LCE1E: variants seen among roughly 807,000 people sequenced by gnomAD.
LCE1E encodes late cornified envelope 1E, also known as late cornified envelope protein 1E.
For missense variants in LCE1E, 144 were observed against 144.3 expected (o/e 1.00, Z 0.01); for synonymous variants, 61 against 55.0 (o/e 1.11, Z -0.48).
Position 152,787,978 on chromosome 1 carries a change from T to G in LCE1E, c.*322T>G. The G allele has an allele frequency of 3.5e-6, 1 of 289,292 alleles. No individual in the cohort carries two copies. The highest frequency in any genetic ancestry group is 8.7e-5 in the South Asian group (1 of 11,454). The allele number at this position is 289,292 out of a possible 1,614,324, so 17.9% of individuals were successfully genotyped here. ...TTGTGTCATCCTTGTTCTGCTCCCCTGTGTCTGCTGGTGGCTGCTGAGGCC... is the reference window on the plus strand; with the variant it reads ...TTGTGTCATCCTTGTTCTGCTCCCCGGTGTCTGCTGGTGGCTGCTGAGGCC... On this transcript the variant is annotated 3_prime_UTR_variant, in exon 2 of 2. Coordinates refer to ENST00000368770, the MANE Select transcript of LCE1E (RefSeq NM_178353.2).
At position 152,787,372 on chromosome 1, in the gene LCE1E, C is replaced by T; in HGVS notation, c.73C>T (p.Pro25Ser). The T allele has an allele frequency of 6.2e-7, 1 of 1,614,046 alleles. No individual in the cohort carries two copies. The highest frequency in any genetic ancestry group is 8.5e-7 in the Non-Finnish European group (1 of 1,179,980). Residue 25 changes from proline to serine, a missense_variant, in exon 2 of 2, where the codon CCC (proline) becomes TCC (serine). Pro to Ser is a moderately conservative substitution (Grantham distance 74). Coordinates refer to ENST00000368770, the MANE Select transcript of LCE1E (RefSeq NM_178353.2). ...CACTCCCAAGTGCCCTCCCAAGTGT[C>T]CCACCCCCAAATGCCCTCCAAAGTG... ...KCTPKCPPKC[P>S]TPKCPPKCPP... is the part of the protein sequence containing the mutation.
chr1:152,786,397 G>T (rs1651852075), intron 1 of LCE1E, 90 bp downstream of exon 1: 1 of 152,670 alleles, frequency 6.6e-6, no homozygotes, highest in Admixed American at 6.5e-5. Flanking sequence ...CTTCCATGGG[G>T]GAGGAGACTG....
rs146596514 is a variant in LCE1E, at chr1:152,787,481, G to A, written c.182G>A (p.Gly61Asp). 3.1e-6 allele frequency: 5 copies of A among 1,613,828 alleles called. No individual in the cohort carries two copies. Among genetic ancestry groups the A allele is most frequent in the Non-Finnish European group, 4.2e-6 (5 of 1,179,854 alleles). The change falls in exon 2 of 2, where the codon GGC becomes GAC. Residue 61 changes from glycine (G) to aspartate (D), a missense_variant. Coordinates refer to ENST00000368770, the MANE Select transcript of LCE1E (RefSeq NM_178353.2). ...CCGSSSGGSC[G>D]SSSGGCCSSG... is the part of the protein sequence containing the mutation. Reference sequence around the variant, plus strand: ...GGCTCCAGCTCTGGGGGCAGCTGTGGCTCCAGCTCTGGGGGCTGCTGCAGC... The same window carrying A: ...GGCTCCAGCTCTGGGGGCAGCTGTGACTCCAGCTCTGGGGGCTGCTGCAGC...
At chr1:152,787,177 A>G (rs1200579188) in intron 1 of LCE1E, 101 bp from the exon 2 acceptor site, 1 of 1,103,532 alleles carries the variant, frequency 9.1e-7, no homozygotes, top group African/African-American at 1.6e-5. Context: ...AAGTGAAACT[A>G]CTGGACATGA....
chr1:152,787,536 C>T lies in LCE1E; in HGVS notation c.237C>T (p.His79=), dbSNP rs1651885122. Residue 79 remains histidine (H), a synonymous_variant, in exon 2 of 2, where the codon CAC becomes CAT. Transcript: ENST00000368770. ...SSGGGGCCLS[H]HRHHRSHRHR... The stretch of plus-strand genomic sequence containing the variant: ...GGGGAGGTGGCTGCTGCCTGAGCCA[C>T]CACAGGCACCACAGGTCCCACCGTC... 1 of 1,611,630 alleles carries T rather than the reference C, an allele frequency of 6.2e-7. No individual in the cohort carries two copies. Among genetic ancestry groups the T allele is most frequent in the Non-Finnish European group, 8.5e-7 (1 of 1,179,046 alleles).
At chr1:152,786,955 A>T (rs1465637395) in intron 1 of LCE1E, among the ~76,000 whole-genome samples, 1 of 152,228 alleles carries the variant, frequency 6.6e-6, no homozygotes, top group Non-Finnish European at 1.5e-5. Context: ...CTCTTTAAGA[A>T]ATAATTTTCC....
Position 152,787,629 on chromosome 1 carries a change from C to A in LCE1E, c.330C>A (p.Ser110Arg). ...SGGSSCCGGGSGQHSGGCC is the reference protein window; with the variant it reads ...SGGSSCCGGGRGQHSGGCC ...GCTCCAGCTGCTGTGGAGGGGGCAG[C>A]GGCCAGCACTCTGGAGGCTGCTGCT... is the stretch of plus-strand genomic sequence containing the variant. Residue 110 changes from serine to arginine, a missense_variant, in exon 2 of 2, where the codon AGC becomes AGA. Coordinates refer to ENST00000368770, the MANE Select transcript of LCE1E (RefSeq NM_178353.2). 2 of 1,591,518 alleles carry A rather than the reference C, an allele frequency of 1.3e-6. No individual in the cohort carries two copies. The highest frequency in any genetic ancestry group is 1.7e-6 in the Non-Finnish European group (2 of 1,169,230).
At chr1:152,786,981 A>G (rs1045710418) in intron 1 of LCE1E, among the ~76,000 whole-genome samples, 10 of 152,208 alleles carry the variant, frequency 6.6e-5, no homozygotes, top group Non-Finnish European at 1.2e-4. Flanking sequence ...TGACCTATAA[A>G]TCATATAATT....
At chr1:152,787,101 C>G (rs1651868508) in intron 1 of LCE1E, among the ~76,000 whole-genome samples, 177 bp from the exon 2 acceptor site, 1 of 152,114 alleles carries the variant, frequency 6.6e-6, no homozygotes, top group Non-Finnish European at 1.5e-5. Context: ...TTTTGTGTAG[C>G]AGATAACACA....
rs1272184821 is a variant in LCE1E, at chr1:152,787,575, C to T, written c.276C>T (p.Ser92=). The T allele has an allele frequency of 1.4e-5, 23 of 1,612,944 alleles. No individual in the cohort carries two copies. Among genetic ancestry groups the T allele is most frequent in the Non-Finnish European group, 1.8e-5 (21 of 1,179,858 alleles). Residue 92 remains serine (S), a synonymous_variant, in exon 2 of 2, where the codon AGC becomes AGT. Transcript: ENST00000368770. The part of the protein sequence containing the change: ...HHRSHRHRPQ[S]SDCCSQPSGG... ...GGTCCCACCGTCACAGACCCCAGAG[C>T]TCTGACTGCTGCAGCCAGCCCTCAG...
Position 152,787,603 on chromosome 1 carries a change from G to A in LCE1E, c.304G>A (p.Gly102Ser). Reference protein sequence around the residue: ...SSDCCSQPSGGSSCCGGGSGQ... With the variant: ...SSDCCSQPSGSSSCCGGGSGQ... ...TGACTGCTGCAGCCAGCCCTCAGGG[G>A]GCTCCAGCTGCTGTGGAGGGGGCAG... Residue 102 changes from glycine (G) to serine (S), a missense_variant, in exon 2 of 2, where the codon GGC (glycine) becomes AGC (serine). Coordinates refer to ENST00000368770, the MANE Select transcript of LCE1E (RefSeq NM_178353.2). 3.1e-6 allele frequency: 5 copies of A among 1,606,642 alleles called. No individual in the cohort carries two copies. Among genetic ancestry groups the A allele is most frequent in the Non-Finnish European group, 2.5e-6 (3 of 1,176,720 alleles).
chr1:152,787,398 T>G lies in LCE1E; in HGVS notation c.99T>G (p.Cys33Trp), dbSNP rs1570853089. The change falls in exon 2 of 2, where the codon TGT (cysteine) becomes TGG (tryptophan). Residue 33 changes from cysteine to tryptophan, a missense_variant. Transcript: ENST00000368770. The stretch of plus-strand genomic sequence containing the variant: ...CCACCCCCAAATGCCCTCCAAAGTG[T>G]CCCCCTAAGTGCCCTCCAGTCTCTT... ...KCPTPKCPPK[C>W]PPKCPPVSSC... 6.2e-7 allele frequency: 1 copy of G among 1,613,694 alleles called. No homozygotes were observed.
chr1:152,787,308 C>G lies in LCE1E; in HGVS notation c.9C>G (p.Cys3Trp). 3 of 1,614,106 alleles carry G rather than the reference C, an allele frequency of 1.9e-6. No individual in the cohort carries two copies. The highest frequency in any genetic ancestry group is 2.5e-6 in the Non-Finnish European group (3 of 1,179,980). Residue 3 changes from cysteine (C) to tryptophan (W), a missense_variant, in exon 2 of 2, where the codon TGC becomes TGG. Cys to Trp is a radical substitution (Grantham distance 215, BLOSUM62 -2). Coordinates refer to ENST00000368770, the MANE Select transcript of LCE1E (RefSeq NM_178353.2). MS[C>W]QQSQQQCQPP... ...AAGTACCTACTGCCGAGATGTCCTG[C>G]CAGCAGAGCCAGCAGCAGTGCCAGC...
At position 152,787,748 on chromosome 1, in the gene LCE1E, G is replaced by T; in HGVS notation, c.*92G>T. ...GAAGTCTTGCCTGGAGAATCCCTCT[G>T]CTCTGGTGTCAGGAAACCCAAAATC... On this transcript the variant is annotated 3_prime_UTR_variant, in exon 2 of 2. Transcript: ENST00000368770. 6.9e-7 allele frequency: 1 copy of T among 1,442,494 alleles called. No homozygotes were observed. The highest frequency in any genetic ancestry group is 1.4e-5 in the South Asian group (1 of 72,068). The allele number at this position is 1,442,494 out of a possible 1,614,324, so 89.4% of individuals were successfully genotyped here.
At chr1:152,786,516 A>T (rs186411349) in intron 1 of LCE1E, among the ~76,000 whole-genome samples, 1 of 152,326 alleles carries the variant, frequency 6.6e-6, no homozygotes, top group East Asian at 1.9e-4. Flanking sequence ...TAAAGCACAG[A>T]GACCTGGGGC....
Position 152,787,280 on chromosome 1 carries a change from C to G in LCE1E, c.-20C>G. The G allele has an allele frequency of 6.2e-7, 1 of 1,613,588 alleles. No homozygotes were observed. Among genetic ancestry groups the G allele is most frequent in the Admixed American group, 1.7e-5 (1 of 60,026 alleles). On this transcript the variant is annotated splice_region_variant and 5_prime_UTR_variant, in exon 2 of 2. Transcript: ENST00000368770. ...TTTTCTGTCTGACTCTCCCTCAGCT[C>G]CTAAGTACCTACTGCCGAGATGTCC... is the stretch of plus-strand genomic sequence containing the variant.
At position 152,787,395 on chromosome 1, in the gene LCE1E, G is replaced by T; in HGVS notation, c.96G>T (p.Lys32Asn). 2 of 1,613,816 alleles carry T rather than the reference G, an allele frequency of 1.2e-6. No homozygotes were observed. Among genetic ancestry groups the T allele is most frequent in the Non-Finnish European group, 1.7e-6 (2 of 1,179,960 alleles). Residue 32 changes from lysine to asparagine, a missense_variant, in exon 2 of 2, where the codon AAG (lysine) becomes AAT (asparagine). Transcript: ENST00000368770. ...PKCPTPKCPPKCPPKCPPVSS... is the reference protein window; with the variant it reads ...PKCPTPKCPPNCPPKCPPVSS... ...GTCCCACCCCCAAATGCCCTCCAAA[G>T]TGTCCCCCTAAGTGCCCTCCAGTCT...
Position 152,787,704 on chromosome 1 carries a change from G to A in LCE1E, c.*48G>A. ...CTTCTGATTCTGCCTGAATAGCTGA[G>A]AGGTTCCAGCAAAAGCTTGAAGTCT... On this transcript the variant is annotated 3_prime_UTR_variant, in exon 2 of 2. Transcript: ENST00000368770. 6.6e-7 allele frequency: 1 copy of A among 1,513,616 alleles called. No homozygotes were observed. Among genetic ancestry groups the A allele is most frequent in the Non-Finnish European group, 8.8e-7 (1 of 1,131,736 alleles). 93.8% of individuals were successfully genotyped at this position (1,513,616 alleles called of 1,614,324 possible).
Position 152,787,624 on chromosome 1 carries a change from G to A in LCE1E, c.325G>A (p.Gly109Ser), listed in dbSNP as rs756026640. The A allele has an allele frequency of 6.3e-7, 1 of 1,596,924 alleles. No individual in the cohort carries two copies. The highest frequency in any genetic ancestry group is 1.1e-5 in the South Asian group (1 of 88,608). The change falls in exon 2 of 2, where the codon GGC (glycine) becomes AGC (serine). Residue 109 changes from glycine (G) to serine (S), a missense_variant. Gly to Ser is a moderately conservative substitution (Grantham distance 56, BLOSUM62 0). Transcript: ENST00000368770. The part of the protein sequence containing the change: ...PSGGSSCCGG[G>S]SGQHSGGCC ...AGGGGGCTCCAGCTGCTGTGGAGGG[G>A]GCAGCGGCCAGCACTCTGGAGGCTG... is the stretch of plus-strand genomic sequence containing the variant.
Sources: gnomAD v4.1 joint callset for allele counts (sites outside exome capture counted in the v4.1 genomes callset) on GRCh38, gnomAD v4.1.1 for gene constraint, MANE v1.5 for transcripts, NCBI Gene and HGNC (gene_info 2026-07-23, HGNC 2026-07-21) for gene names.